The following GRID2 variants were observed in gnomAD, a reference collection of about 807,000 sequenced individuals.
The protein encoded by GRID2 is glutamate receptor ionotropic, delta-2.
In GRID2, 33 loss-of-function variants were observed where a neutral mutation model predicts 114.8. The observed-to-expected ratio is 0.29, with a 90% CI of 0.22 to 0.38. The LOEUF is 0.38. Ranked by LOEUF, GRID2 falls within the 10% of genes least tolerant of loss-of-function variation. GRID2 has a pLI of 1.00. For synonymous variants in GRID2, 505 were observed against 449.9 expected, an observed-to-expected ratio of 1.12 and a Z score of -1.55; for missense variants, 1,184 against 1,257.7, an observed-to-expected ratio of 0.94 and a Z score of 0.89.
intron 2 of GRID2, among the ~76,000 whole-genome samples, chr4:93,033,628 A>G (rs1214982910): frequency 4.6e-5 from 7 of 152,148 alleles, no homozygotes. Flanking sequence ...GGCATGGTCA[A>G]CACAGACCCT....
At chr4:92,698,472 A>T (rs1734523973) in intron 2 of GRID2, among the ~76,000 whole-genome samples, 1 of 152,112 alleles carries the variant, frequency 6.6e-6, no homozygotes, top group African/African-American at 2.4e-5. Flanking sequence ...AAAAAAATTA[A>T]TAAAAATAGT....
chr4:93,698,904 C>T (rs1727271867), intron 14 of GRID2, among the ~76,000 whole-genome samples: 1 of 151,974 alleles, frequency 6.6e-6, no homozygotes, highest in South Asian at 2.1e-4. Flanking sequence ...AATTAAGTGG[C>T]CTTGAGATAA....
intron 4 of GRID2, among the ~76,000 whole-genome samples, chr4:93,157,999 T>G (rs1279823498): frequency 6.6e-6 from 1 of 151,808 alleles, no homozygotes; most frequent in African/African-American, 2.4e-5. Context: ...CAGTTGCACA[T>G]GTAGTGTTAT....
chr4:92,454,537 G>A (rs1460360443), intron 1 of GRID2, among the ~76,000 whole-genome samples: 3 of 152,142 alleles, frequency 2.0e-5, no homozygotes, highest in South Asian at 2.1e-4. Context: ...TATATGGCAT[G>A]GAACATTCCC....
chr4:92,546,399 G>A (rs1395185759), intron 1 of GRID2, among the ~76,000 whole-genome samples: 2 of 152,142 alleles, frequency 1.3e-5, no homozygotes, highest in Non-Finnish European at 2.9e-5. Context: ...GGAGAGAAAA[G>A]CAACGGCCCA....
intron 8 of GRID2, 117 bp from the exon 9 acceptor site, chr4:93,395,490 T>C: frequency 1.8e-6 from 1 of 565,208 alleles, no homozygotes; most frequent in Non-Finnish European, 3.3e-6. Context: ...ACCTGTGCAG[T>C]ACTCTTTCCA....
chr4:93,058,919 A>G (rs536209000), intron 2 of GRID2, among the ~76,000 whole-genome samples: 2 of 152,202 alleles, frequency 1.3e-5, no homozygotes, highest in South Asian at 2.1e-4. Context: ...TTGCCTTTGT[A>G]TCAGAATGCT....
At chr4:93,217,464 CAG>C (rs1297025194) in intron 6 of GRID2, among the ~76,000 whole-genome samples, 1 of 152,070 alleles carries the variant, frequency 6.6e-6, no homozygotes, top group African/African-American at 2.4e-5. Context: ...AACAGCGAAA[CAG>C]AGAACACCAA....
At chr4:92,725,515 A>T (rs576001265) in intron 2 of GRID2, among the ~76,000 whole-genome samples, 2 of 152,160 alleles carry the variant, frequency 1.3e-5, no homozygotes, top group South Asian at 4.1e-4. Context: ...AGAACATCTG[A>T]TAATTTTTAC....
chr4:93,331,135 C>T (rs1003483270), intron 8 of GRID2, among the ~76,000 whole-genome samples: 1 of 148,008 alleles, frequency 6.8e-6, no homozygotes, highest in Admixed American at 6.7e-5. Context: ...AACCCCCCCC[C>T]CATTTCACTC....
At chr4:93,339,618 A>G (rs934091334) in intron 8 of GRID2, among the ~76,000 whole-genome samples, 6 of 152,126 alleles carry the variant, frequency 3.9e-5, no homozygotes, top group African/African-American at 1.2e-4. Context: ...GTACTTTGTT[A>G]TAACAGCCCT....
chr4:92,594,852 C>A (rs1728874779), intron 2 of GRID2, among the ~76,000 whole-genome samples: 1 of 151,930 alleles, frequency 6.6e-6, no homozygotes, highest in African/African-American at 2.4e-5. Flanking sequence ...TTTCTGAAAG[C>A]AGTACTTATT....
intron 2 of GRID2, among the ~76,000 whole-genome samples, chr4:92,676,167 C>CG (rs1472782107): frequency 5.0e-5 from 5 of 99,282 alleles, no homozygotes; most frequent in Admixed American, 1.9e-4. Flanking sequence ...CCCCCCCCCC[C>CG]CCCTTTTTTT....
intron 1 of GRID2, among the ~76,000 whole-genome samples, chr4:92,388,636 A>G (rs1730093933): frequency 6.6e-6 from 1 of 152,038 alleles, no homozygotes. Context: ...ATTCCAGGTT[A>G]TGGTACTCCA....
At chr4:93,693,681 C>A (rs1489920911) in intron 14 of GRID2, among the ~76,000 whole-genome samples, 2 of 152,234 alleles carry the variant, frequency 1.3e-5, no homozygotes, top group African/African-American at 2.4e-5. Context: ...ATTATTAATA[C>A]TGTATTGTTC....
chr4:93,751,876 G>A (rs1732348422), intron 14 of GRID2, among the ~76,000 whole-genome samples: 1 of 151,914 alleles, frequency 6.6e-6, no homozygotes, highest in African/African-American at 2.4e-5. Flanking sequence ...ATTTTCCTAG[G>A]CTTTCCACAA....
chr4:92,613,424 T>C (rs1322093048), intron 2 of GRID2, among the ~76,000 whole-genome samples: 1 of 151,520 alleles, frequency 6.6e-6, no homozygotes, highest in Non-Finnish European at 1.5e-5. Flanking sequence ...ATTTTAATAA[T>C]GACTTCAAAA....
intron 1 of GRID2, among the ~76,000 whole-genome samples, chr4:92,489,133 T>C (rs1244340405): frequency 6.6e-6 from 1 of 152,158 alleles, no homozygotes; most frequent in Non-Finnish European, 1.5e-5. Context: ...GAAATAAATA[T>C]GGTTGCCCCT....
intron 9 of GRID2, among the ~76,000 whole-genome samples, chr4:93,397,391 AAT>A (rs1765434852): frequency 6.6e-6 from 1 of 151,890 alleles, no homozygotes; most frequent in African/African-American, 2.4e-5. Context: ...GCAAATTATT[AAT>A]AGTCTTTCCT....
Sources: allele counts gnomAD v4.1 joint callset (sites outside exome capture counted in the v4.1 genomes callset), GRCh38; gene constraint gnomAD v4.1.1; transcripts MANE v1.5; gene names NCBI Gene and HGNC (gene_info 2026-07-23, HGNC 2026-07-21).